Variants in NCKAP5 observed in about 807,000 individuals in gnomAD.
NCKAP5 encodes nck-associated protein 5.
NCKAP5 carries 92 observed loss-of-function variants against 167.0 expected under a neutral mutation model. The ratio of observed to expected loss-of-function variants is 0.55; its 90% CI spans 0.47 to 0.66. The LOEUF (loss-of-function observed/expected upper bound fraction) is 0.66, where lower values mean the gene tolerates loss of function less well. Ranked by LOEUF, NCKAP5 falls within the 30% of genes least tolerant of loss-of-function variation. NCKAP5 has a pLI of 0.00. For missense variants in NCKAP5, 2,378 were observed against 2,315.0 expected, an observed-to-expected ratio of 1.03 and a Z score of -0.56; for synonymous variants, 891 against 877.4, an observed-to-expected ratio of 1.02 and a Z score of -0.27.
the NCKAP5 span, among the ~76,000 whole-genome samples, chr2:133,625,354 G>T: frequency 6.6e-6 from 1 of 152,140 alleles, no homozygotes; most frequent in South Asian, 2.1e-4. Context: ...ACAAAGACCA[G>T]CCCACTCGTA....
intron 6 of NCKAP5, among the ~76,000 whole-genome samples, chr2:133,012,397 G>C (rs752397799): frequency 2.0e-5 from 3 of 152,082 alleles, no homozygotes; most frequent in Non-Finnish European, 4.4e-5. Flanking sequence ...ACAGGTGCAC[G>C]CCGCCATGCC....
chr2:133,517,864 G>A (rs565978921), intron 2 of NCKAP5, among the ~76,000 whole-genome samples: 25 of 152,188 alleles, frequency 1.6e-4, no homozygotes, highest in Admixed American at 9.2e-4. Context: ...CAAACAGTCC[G>A]TTTCATGCCA....
chr2:133,237,838 G>A (rs889362467), intron 4 of NCKAP5, among the ~76,000 whole-genome samples: 19 of 152,222 alleles, frequency 1.2e-4, no homozygotes, highest in Non-Finnish European at 2.1e-4. Context: ...CTGGAGGTAG[G>A]AGGGAAACCT....
intron 3 of NCKAP5, among the ~76,000 whole-genome samples, chr2:133,401,492 T>C (rs1043506411): frequency 6.6e-6 from 1 of 152,126 alleles, no homozygotes; most frequent in Non-Finnish European, 1.5e-5. Context: ...GGCAGTCTAG[T>C]GAGAGTTTGA....
intron 4 of NCKAP5, among the ~76,000 whole-genome samples, chr2:133,218,432 A>G (rs565513973): frequency 6.6e-6 from 1 of 152,308 alleles, no homozygotes; most frequent in South Asian, 2.1e-4. Context: ...AACTCCACTC[A>G]TGGAAGCTGA....
In NCKAP5 at chr2:133,457,077, T is replaced by C. The variant is rs77353248; in HGVS notation, c.69+60381A>G. Among the ~76,000 whole-genome samples the C allele has an allele frequency of 7.7e-3, 1,180 of 152,260 alleles. 15 individuals are homozygous for C. The highest frequency in any genetic ancestry group is 0.027 in the African/African-American group (1,142 of 41,556). ...TCCTTAAGTCAGGACAAGGATGCAT[T>C]GTATTTCATACAAAAAGGGGACTTG... On this transcript the variant is annotated intron_variant, in intron 3 of 19. Coordinates refer to ENST00000409261, the MANE Select transcript of NCKAP5 (RefSeq NM_207363.3).
intron 16 of NCKAP5, among the ~76,000 whole-genome samples, chr2:132,770,606 T>C (rs1681954693): frequency 6.6e-6 from 1 of 152,018 alleles, no homozygotes; most frequent in African/African-American, 2.4e-5. Context: ...ACCAAGTCAA[T>C]TATCTATCAA....
At chr2:132,875,932 A>ATG (rs1412932927) in intron 9 of NCKAP5, among the ~76,000 whole-genome samples, 2 of 151,844 alleles carry the variant, frequency 1.3e-5, no homozygotes, top group Admixed American at 6.6e-5. Context: ...GCCAGGGTGT[A>ATG]TGTGTGTGTG....
intron 11 of NCKAP5, among the ~76,000 whole-genome samples, chr2:132,798,304 CAGCCCATTA>C (rs1334895984): frequency 1.3e-5 from 2 of 152,178 alleles, no homozygotes; most frequent in Non-Finnish European, 2.9e-5. Flanking sequence ...ACTTAGTAAG[CAGCCCATTA>C]GTGCTTGTTG....
the NCKAP5 span, among the ~76,000 whole-genome samples, chr2:133,574,043 A>G: frequency 6.6e-6 from 1 of 152,186 alleles, no homozygotes; most frequent in East Asian, 1.9e-4. Context: ...GATTGTCTAA[A>G]TAGATAGACT....
At chr2:132,820,239 T>C (rs1410666030) in intron 11 of NCKAP5, among the ~76,000 whole-genome samples, 3 of 151,970 alleles carry the variant, frequency 2.0e-5, no homozygotes, top group Admixed American at 6.6e-5. Context: ...GTTTTTGTTT[T>C]TTTTTTAAGA....
At chr2:133,009,264 G>A (rs1271022925) in intron 6 of NCKAP5, among the ~76,000 whole-genome samples, 4 of 152,020 alleles carry the variant, frequency 2.6e-5, no homozygotes, top group Admixed American at 6.6e-5. Context: ...GGTTACATAC[G>A]AACAAAATGA....
intron 19 of NCKAP5, among the ~76,000 whole-genome samples, chr2:132,702,437 C>T (rs1016607377): frequency 6.6e-6 from 1 of 151,978 alleles, no homozygotes; most frequent in African/African-American, 2.4e-5. Flanking sequence ...GATTAACAAG[C>T]CATAAACAGA....
At chr2:132,768,773 G>A (rs1182715828) in intron 16 of NCKAP5, among the ~76,000 whole-genome samples, 1 of 151,050 alleles carries the variant, frequency 6.6e-6, no homozygotes, top group Non-Finnish European at 1.5e-5. Context: ...CCGAGTAGCT[G>A]GGACTACAGG....
intron 8 of NCKAP5, among the ~76,000 whole-genome samples, chr2:132,897,797 A>G (rs2148897506): frequency 6.6e-6 from 1 of 152,348 alleles, no homozygotes; most frequent in Non-Finnish European, 1.5e-5. Flanking sequence ...AAAATAATGT[A>G]CACACCATAA....
At chr2:133,321,885 A>G (rs75301821) in intron 3 of NCKAP5, among the ~76,000 whole-genome samples, 8,207 of 152,284 alleles carry the variant, frequency 0.054, 284 homozygotes, top group South Asian at 0.1. Context: ...CTTAATTCCA[A>G]AACAATATCA....
At chr2:133,585,150 A>T in the NCKAP5 span, among the ~76,000 whole-genome samples, 4 of 152,232 alleles carry the variant, frequency 2.6e-5, no homozygotes, top group Admixed American at 6.5e-5. Flanking sequence ...AAATAAAGCA[A>T]AATCAAGATA....
chr2:133,667,669 T>C, the NCKAP5 span, among the ~76,000 whole-genome samples: 1 of 152,198 alleles, frequency 6.6e-6, no homozygotes, highest in East Asian at 1.9e-4. Flanking sequence ...ATATATGGCA[T>C]ATTGACATCT....
chr2:132,856,931 C>CA (rs1231872072), intron 11 of NCKAP5, among the ~76,000 whole-genome samples: 6 of 152,184 alleles, frequency 3.9e-5, no homozygotes, highest in African/African-American at 1.4e-4. Context: ...CTTGGTCTGT[C>CA]AAATACCTGC....
Sources: gnomAD v4.1 joint callset for allele counts (sites outside exome capture counted in the v4.1 genomes callset) on GRCh38, gnomAD v4.1.1 for gene constraint, MANE v1.5 for transcripts, NCBI Gene and HGNC (gene_info 2026-07-23, HGNC 2026-07-21) for gene names.